Variants in MCTP2 observed in about 807,000 individuals in gnomAD.
The protein encoded by MCTP2 is multiple C2 and transmembrane domain-containing protein 2.
Under a neutral mutation model 111.6 loss-of-function variants are expected in MCTP2, and 132 were observed. The ratio of observed to expected loss-of-function variants is 1.18; its 90% CI spans 1.03 to 1.37. The LOEUF (loss-of-function observed/expected upper bound fraction) is 1.37. MCTP2 is among the 40% of genes most tolerant of loss of function. The pLI is 0.00. For missense variants in MCTP2, 1,183 were observed against 1,067.9 expected (o/e 1.11, Z -1.50); for synonymous variants, 395 against 387.7 (o/e 1.02, Z -0.22).
chr15:94,438,894 T>G (rs985754824), intron 17 of MCTP2, among the ~76,000 whole-genome samples: 2 of 152,122 alleles, frequency 1.3e-5, no homozygotes, highest in South Asian at 2.1e-4. Context: ...GATATCCTTC[T>G]GAACAGTTTA....
intron 12 of MCTP2, among the ~76,000 whole-genome samples, chr15:94,376,879 A>G (rs1040429060): frequency 2.0e-5 from 3 of 152,176 alleles, no homozygotes; most frequent in African/African-American, 7.2e-5. Context: ...GATAATGTGG[A>G]TAATAGTTTT....
chr15:94,362,058 T>G (rs1039605787), intron 10 of MCTP2, among the ~76,000 whole-genome samples: 1 of 152,088 alleles, frequency 6.6e-6, no homozygotes, highest in Non-Finnish European at 1.5e-5. Flanking sequence ...CTAAAAACAC[T>G]GGGGTTGGTG....
At chr15:94,310,748 A>T (rs294536) in intron 2 of MCTP2, among the ~76,000 whole-genome samples, 66,802 of 150,524 alleles carry the variant, frequency 0.44, 16,017 homozygotes, top group East Asian at 0.65. Context: ...ATATCTATTT[A>T]AAAATTTTTA....
chr15:94,356,851 A>C (rs185770256), intron 9 of MCTP2, among the ~76,000 whole-genome samples: 113 of 152,318 alleles, frequency 7.4e-4, no homozygotes, highest in African/African-American at 2.6e-3. Flanking sequence ...AAAATAATTC[A>C]TCTTATTCTG....
chr15:94,447,746 T>C (rs904712226), intron 19 of MCTP2, among the ~76,000 whole-genome samples: 1 of 152,198 alleles, frequency 6.6e-6, no homozygotes, highest in Non-Finnish European at 1.5e-5. Context: ...AACTATGACA[T>C]AAGCAGTGAT....
At chr15:94,367,453 A>G in intron 10 of MCTP2, 152 bp from the exon 11 acceptor site, 3 of 586,000 alleles carry the variant, frequency 5.1e-6, no homozygotes, top group South Asian at 4.6e-5. Context: ...GGTGAGCATT[A>G]TGAATTAGGG....
At chr15:94,464,450 T>C (rs1020221499) in intron 20 of MCTP2, among the ~76,000 whole-genome samples, 3 of 107,178 alleles carry the variant, frequency 2.8e-5, no homozygotes, top group African/African-American at 1.1e-4. Flanking sequence ...TGCTTGATAT[T>C]GTTATCTTCT....
chr15:94,362,661 A>G (rs1408267404), intron 10 of MCTP2, among the ~76,000 whole-genome samples: 1 of 152,212 alleles, frequency 6.6e-6, no homozygotes, highest in Non-Finnish European at 1.5e-5. Context: ...TACAGCTTTT[A>G]AAACTCTAGC....
At chr15:94,250,990 CTA>C (rs201742244) in intron 1 of MCTP2, among the ~76,000 whole-genome samples, 386 of 152,320 alleles carry the variant, frequency 2.5e-3, no homozygotes, top group Non-Finnish European at 4.9e-3. Context: ...AGTAGCATGA[CTA>C]TGGAAGATGA....
chr15:94,435,138 TA>T (rs1213149284), intron 17 of MCTP2, among the ~76,000 whole-genome samples: 1 of 152,180 alleles, frequency 6.6e-6, no homozygotes, highest in Non-Finnish European at 1.5e-5. Context: ...GTGCTAGGGT[TA>T]CAGGCATGAG....
intron 1 of MCTP2, among the ~76,000 whole-genome samples, chr15:94,235,273 C>G (rs1232753909): frequency 6.6e-6 from 1 of 151,472 alleles, no homozygotes; most frequent in Non-Finnish European, 1.5e-5. Flanking sequence ...AAAAAAATCC[C>G]TGGTGGTTTA....
chr15:94,351,169 A>T (rs1334695135), intron 8 of MCTP2, among the ~76,000 whole-genome samples: 1 of 152,176 alleles, frequency 6.6e-6, no homozygotes, highest in East Asian at 1.9e-4. Context: ...GGACTTTTAC[A>T]TGTGGGAAAT....
intron 1 of MCTP2, among the ~76,000 whole-genome samples, chr15:94,249,940 CT>C (rs2072291800): frequency 6.6e-6 from 1 of 151,992 alleles, no homozygotes; most frequent in African/African-American, 2.4e-5. Context: ...GCAAACATTA[CT>C]TTTATTTTTA....
intron 1 of MCTP2, among the ~76,000 whole-genome samples, chr15:94,267,840 C>T (rs1596227542): frequency 1.4e-5 from 2 of 144,614 alleles, no homozygotes; most frequent in South Asian, 4.4e-4. Flanking sequence ...AATGTAATGG[C>T]ATGGGTCTGG....
chr15:94,379,071 T>G (rs996575025), intron 12 of MCTP2, among the ~76,000 whole-genome samples: 13 of 143,726 alleles, frequency 9.0e-5, no homozygotes, highest in South Asian at 2.2e-4. Context: ...TTGTTTTTTG[T>G]TTTTTTTTTT....
At chr15:94,318,046 T>C (rs983445624) in intron 4 of MCTP2, among the ~76,000 whole-genome samples, 7 of 152,178 alleles carry the variant, frequency 4.6e-5, no homozygotes, top group East Asian at 1.9e-4. Context: ...GATGTAATCA[T>C]AAACCAGTGT....
intron 17 of MCTP2, among the ~76,000 whole-genome samples, chr15:94,408,233 G>T (rs2081995476): frequency 6.6e-6 from 1 of 152,154 alleles, no homozygotes; most frequent in South Asian, 2.1e-4. Context: ...TGTGTGTGCA[G>T]TTGATGCTCA....
At chr15:94,274,753 A>G (rs2152303931) in intron 1 of MCTP2, among the ~76,000 whole-genome samples, 1 of 152,276 alleles carries the variant, frequency 6.6e-6, no homozygotes, top group East Asian at 1.9e-4. Context: ...ATACACATGC[A>G]TGCCAGAGAG....
At chr15:94,441,137 A>T (rs1160341783) in intron 18 of MCTP2, among the ~76,000 whole-genome samples, 1 of 152,210 alleles carries the variant, frequency 6.6e-6, no homozygotes, top group East Asian at 1.9e-4. Flanking sequence ...GAGTCAATCA[A>T]ACCCTGACTG....
Sources: gnomAD v4.1 joint callset for allele counts (sites outside exome capture counted in the v4.1 genomes callset) on GRCh38, gnomAD v4.1.1 for gene constraint, MANE v1.5 for transcripts, NCBI Gene and HGNC (gene_info 2026-07-23, HGNC 2026-07-21) for gene names.